ABCA1: variants seen among roughly 807,000 people sequenced by gnomAD.
ABCA1 encodes the protein ATP binding cassette subfamily A member 1.
A neutral mutation model predicts 262.5 loss-of-function variants in ABCA1; 133 were observed. The observed-to-expected ratio is 0.51, with a 90% CI of 0.44 to 0.59. The LOEUF is 0.59. Ranked by LOEUF, ABCA1 falls within the 20% of genes least tolerant of loss-of-function variation. The probability of loss-of-function intolerance (pLI) is 0.00; values close to 1 mark genes in which losing one functional copy is unlikely to be tolerated. For missense variants in ABCA1, 2,452 were observed against 2,777.5 expected (o/e 0.88, Z 2.63); for synonymous variants, 1,022 against 1,043.5 (o/e 0.98, Z 0.40).
intron 15 of ABCA1, among the ~76,000 whole-genome samples, chr9:104,828,491 T>C (rs1313164991): frequency 6.6e-6 from 1 of 152,232 alleles, no homozygotes; most frequent in Non-Finnish European, 1.5e-5. Context: ...CATCAAACTC[T>C]ATTTCAGCCT....
In ABCA1 at chr9:104,889,124, G is replaced by A; in HGVS notation, c.138C>T (p.Tyr46=). ...FLILISVRLS[Y]PPYEQHECHF... ...TACATTCATGTTGTTCATAGGGTGG[G>A]TAGCTCAGCCGAACAGAGATCAGGA... is the stretch of plus-strand genomic sequence containing the variant. The change falls in exon 3 of 50, where the codon TAC becomes TAT. Residue 46 remains tyrosine (Y), a synonymous_variant. Coordinates refer to ENST00000374736, the MANE Select transcript of ABCA1 (RefSeq NM_005502.4). 2 of 1,614,130 alleles carry A rather than the reference G, an allele frequency of 1.2e-6. No individual in the cohort carries two copies. Among genetic ancestry groups the A allele is most frequent in the Non-Finnish European group, 1.7e-6 (2 of 1,179,984 alleles).
At chr9:104,798,370 A>G (rs745368751) in intron 37 of ABCA1, 51 bp downstream of exon 37, 4 of 1,594,134 alleles carry the variant, frequency 2.5e-6, no homozygotes, top group Non-Finnish European at 3.4e-6. Flanking sequence ...ATCCATATCA[A>G]TCCATGGCCC....
Position 104,875,871 on chromosome 9 carries a change from G to A in ABCA1, c.421+7168C>T, listed in dbSNP as rs974902776. On this transcript the variant is annotated intron_variant, in intron 5 of 49. Coordinates refer to ENST00000374736, the MANE Select transcript of ABCA1 (RefSeq NM_005502.4). ...TGTGTATGTACCCCCAGAAACGTGT[G>A]ACTTGTCAGCCCTAGGAACAGCGTG... Among the ~76,000 whole-genome samples the A allele has an allele frequency of 7.2e-5, 11 of 152,194 alleles. No individual in the cohort carries two copies. In the East Asian group the frequency reaches 2.1e-3, roughly 29 times the overall value.
chr9:104,850,200 C>A (rs1349351285), intron 7 of ABCA1, among the ~76,000 whole-genome samples: 1 of 152,178 alleles, frequency 6.6e-6, no homozygotes, highest in African/African-American at 2.4e-5. Context: ...CAGCTCACTG[C>A]AACCTCCCCC....
chr9:104,881,180 A>T, intron 5 of ABCA1, among the ~76,000 whole-genome samples: 1 of 152,142 alleles, frequency 6.6e-6, no homozygotes, highest in Non-Finnish European at 1.5e-5. Flanking sequence ...AAAGGAAATT[A>T]GTGTTGTTTT....
intron 7 of ABCA1, among the ~76,000 whole-genome samples, chr9:104,854,108 T>A (rs904900498): frequency 6.6e-6 from 1 of 152,174 alleles, no homozygotes; most frequent in African/African-American, 2.4e-5. Flanking sequence ...GTGTGAGAGA[T>A]ACTCAACCCA....
chr9:104,918,010 T>C (rs1841942101), intron 1 of ABCA1, among the ~76,000 whole-genome samples: 1 of 152,236 alleles, frequency 6.6e-6, no homozygotes, highest in Non-Finnish European at 1.5e-5. Context: ...TAAAATATAT[T>C]GATGATTACA....
intron 5 of ABCA1, among the ~76,000 whole-genome samples, chr9:104,862,674 C>CGGGCAGGGCAGGGCAGGGCA (rs1414466945): frequency 1.1e-4 from 1 of 9,208 alleles, no homozygotes; most frequent in African/African-American, 4.5e-4. Flanking sequence ...CGGGCCGGGC[C>CGGGCAGGGCAGGGCAGGGCA]GGGCCGGGCC....
chr9:104,787,028 G>C, intron 46 of ABCA1, 52 bp from the exon 47 acceptor site: 10 of 1,531,354 alleles, frequency 6.5e-6, no homozygotes, highest in Non-Finnish European at 8.9e-6. Flanking sequence ...AAAAATCAAA[G>C]ATAAATTTGT....
chr9:104,855,900 G>A (rs369515542), intron 7 of ABCA1: 73 of 1,612,686 alleles, frequency 4.5e-5, no homozygotes, highest in East Asian at 8.9e-5. Flanking sequence ...AAACACTCAC[G>A]CACACACAAA....
chr9:104,910,431 TCTC>T (rs1335924494), intron 1 of ABCA1, among the ~76,000 whole-genome samples: 13 of 152,340 alleles, frequency 8.5e-5, no homozygotes, highest in Admixed American at 7.2e-4. Context: ...CTTAGCTATT[TCTC>T]CTATGATTTT....
chr9:104,799,748 A>C (rs1266699716), intron 36 of ABCA1, 71 bp downstream of exon 36: 3 of 1,613,462 alleles, frequency 1.9e-6, no homozygotes, highest in African/African-American at 2.7e-5. Context: ...AATGAGATTC[A>C]CATTTTTCTC....
chr9:104,790,057 T>C (rs925662302), intron 44 of ABCA1, among the ~76,000 whole-genome samples: 6 of 151,576 alleles, frequency 4.0e-5, no homozygotes, highest in African/African-American at 1.2e-4. Flanking sequence ...GGTCGCGCCA[T>C]TGCTCTCCAG....
intron 7 of ABCA1, chr9:104,855,888 G>A: frequency 6.2e-7 from 1 of 1,612,790 alleles, no homozygotes; most frequent in African/African-American, 1.3e-5. Flanking sequence ...CTGGAAACAG[G>A]GAAACACTCA....
intron 30 of ABCA1, among the ~76,000 whole-genome samples, chr9:104,807,048 C>T (rs1830829018): frequency 6.6e-6 from 1 of 152,118 alleles, no homozygotes; most frequent in Non-Finnish European, 1.5e-5. Context: ...GGAAGAAATG[C>T]ATTTCTATTT....
rs939634557 is a variant in ABCA1, at chr9:104,785,733, G to C, written c.6402-94C>G. 3.9e-6 allele frequency: 6 copies of C among 1,522,588 alleles called. No homozygotes were observed. In the South Asian group the frequency reaches 6.9e-5, roughly 17 times the overall value. The allele number at this position is 1,522,588 out of a possible 1,614,324, so 94.3% of individuals were successfully genotyped here. ...GGAACCCAACTTGTGCCATGAAAAAGGGCGGCCCCTGGCAGGCCCAGAAAT... is the reference window on the plus strand; with the variant it reads ...GGAACCCAACTTGTGCCATGAAAAACGGCGGCCCCTGGCAGGCCCAGAAAT... On this transcript the variant is annotated intron_variant, in intron 48 of 49. Coordinates refer to ENST00000374736, the MANE Select transcript of ABCA1 (RefSeq NM_005502.4).
intron 37 of ABCA1, among the ~76,000 whole-genome samples, chr9:104,797,574 C>G (rs372517950): frequency 8.6e-5 from 13 of 151,994 alleles, no homozygotes; most frequent in East Asian, 5.8e-4. Context: ...CTTTTGAAAA[C>G]GGACATTCAC....
rs1212630358 is a variant in ABCA1, at chr9:104,817,655, C to G, written c.3463-251G>C. Among the ~76,000 whole-genome samples, 1 of 152,230 alleles carries G rather than the reference C, an allele frequency of 6.6e-6. No individual in the cohort carries two copies. The highest frequency in any genetic ancestry group is 6.5e-5 in the Admixed American group (1 of 15,290). ...AGCTGCCAAAAGAACTGTGGCCTGC[C>G]AATGAATGCTGCAATGAGGCCTTTG... On this transcript the variant is annotated intron_variant, in intron 23 of 49. Coordinates refer to ENST00000374736, the MANE Select transcript of ABCA1 (RefSeq NM_005502.4). The surrounding 1 kb of genome is among the most constrained non-coding windows in gnomAD (Gnocchi z 4.7).
At chr9:104,787,899 T>C (rs1829064032) in intron 46 of ABCA1, 21 bp downstream of exon 46, 3 of 1,613,880 alleles carry the variant, frequency 1.9e-6, no homozygotes, top group Non-Finnish European at 2.5e-6. Context: ...ACAACAGTTT[T>C]CCATCCACAG....
Sources: allele counts gnomAD v4.1 joint callset (sites outside exome capture counted in the v4.1 genomes callset), GRCh38; gene constraint gnomAD v4.1.1; non-coding constraint Gnocchi (gnomAD v3.1); transcripts MANE v1.5; gene names NCBI Gene and HGNC (gene_info 2026-07-23, HGNC 2026-07-21).